The following OSBPL11 variants were observed in gnomAD, a reference collection of about 807,000 sequenced individuals.
OSBPL11 encodes the protein oxysterol-binding protein-related protein 11.
In OSBPL11, 33 loss-of-function variants were observed where a neutral mutation model predicts 84.4. The ratio of observed to expected loss-of-function variants is 0.39; its 90% CI spans 0.30 to 0.52. The LOEUF is 0.52. Among genes scored for constraint, OSBPL11 ranks in the 20% least tolerant of loss-of-function variants. The probability of loss-of-function intolerance (pLI) is 0.72; values close to 1 mark genes in which losing one functional copy is unlikely to be tolerated. For missense variants in OSBPL11, 736 were observed against 901.1 expected (o/e 0.82, Z 2.35); for synonymous variants, 276 against 310.2 (o/e 0.89, Z 1.16).
chr3:125,571,405 A>G (rs142183733), intron 5 of OSBPL11, among the ~76,000 whole-genome samples: 2 of 152,212 alleles, frequency 1.3e-5, no homozygotes, highest in Non-Finnish European at 2.9e-5. Context: ...TGGCTGCAGA[A>G]ATTTGCATAA....
chr3:125,534,951 G>GAAAAAAAAAAAAAAAAAAAAAAA (rs56164804), intron 11 of OSBPL11, among the ~76,000 whole-genome samples: 1 of 64,640 alleles, frequency 1.5e-5, no homozygotes, highest in Non-Finnish European at 2.7e-5. Context: ...TAAGAAATTA[G>GAAAAAAAAAAAAAAAAAAAAAAA]AAAAAAAAAA....
intron 10 of OSBPL11, among the ~76,000 whole-genome samples, chr3:125,543,053 G>T (rs1243194154): frequency 2.6e-5 from 4 of 151,140 alleles, no homozygotes; most frequent in African/African-American, 9.7e-5. Flanking sequence ...GACCAGTTCT[G>T]TTGAGGGTCT....
At chr3:125,569,083 T>C (rs1936204700) in intron 5 of OSBPL11, among the ~76,000 whole-genome samples, 1 of 152,140 alleles carries the variant, frequency 6.6e-6, no homozygotes, top group African/African-American at 2.4e-5. Flanking sequence ...TAGCTGGAAC[T>C]ACAGGTGTGT....
At chr3:125,549,873 T>C (rs1935873812) in intron 9 of OSBPL11, among the ~76,000 whole-genome samples, 1 of 152,188 alleles carries the variant, frequency 6.6e-6, no homozygotes, top group African/African-American at 2.4e-5. Context: ...CTGATAAGAT[T>C]AACTGTCCTT....
intron 11 of OSBPL11, among the ~76,000 whole-genome samples, chr3:125,536,866 G>T (rs1935646192): frequency 6.6e-6 from 1 of 151,988 alleles, no homozygotes; most frequent in East Asian, 1.9e-4. Flanking sequence ...ATACTAATAA[G>T]ACATGTACTC....
chr3:125,550,681 A>G lies in OSBPL11; in HGVS notation c.1654+1500T>C, dbSNP rs146891997. Among the ~76,000 whole-genome samples, 9 of 152,224 alleles carry G rather than the reference A, an allele frequency of 5.9e-5. No homozygotes were observed. In the East Asian group the frequency reaches 1.7e-3, roughly 29 times the overall value. ...AACATAAAAGTGGTATTTTTTTCCT[A>G]TCATTATATTTTCATTAACTCTTCA... is the stretch of plus-strand genomic sequence containing the variant. On this transcript the variant is annotated intron_variant, in intron 9 of 12. Coordinates refer to ENST00000296220, the MANE Select transcript of OSBPL11 (RefSeq NM_022776.5).
intron 9 of OSBPL11, 142 bp downstream of exon 9, chr3:125,552,039 G>A (rs1329591952): frequency 1.3e-5 from 5 of 374,996 alleles, no homozygotes; most frequent in Non-Finnish European, 1.3e-5. Context: ...GCCTGCTTGG[G>A]TTTCTCCCAA....
rs78109262 is a variant in OSBPL11, at chr3:125,537,866, A to G, written c.2024+585T>C. ...TTATTAACACGTATAGATCCACTTT[A>G]TTTTTCAAGGTCTATGACACATACT... On this transcript the variant is annotated intron_variant, in intron 11 of 12. Transcript: ENST00000296220. 5.0e-4 allele frequency among the ~76,000 whole-genome samples: 76 copies of G among 152,232 alleles called. No individual in the cohort carries two copies. In the East Asian group the frequency reaches 0.014, roughly 27 times the overall value.
At chr3:125,568,425 C>T (rs939289925) in intron 5 of OSBPL11, among the ~76,000 whole-genome samples, 11 of 142,476 alleles carry the variant, frequency 7.7e-5, no homozygotes, top group Non-Finnish European at 1.5e-4. Flanking sequence ...AGTGAGACTA[C>T]GTCTCAAAAA....
chr3:125,542,245 C>T (rs1433067802), intron 10 of OSBPL11, among the ~76,000 whole-genome samples: 3 of 151,688 alleles, frequency 2.0e-5, no homozygotes, highest in African/African-American at 7.3e-5. Flanking sequence ...ACCAAACTAC[C>T]GTAAGAAAGG....
intron 11 of OSBPL11, among the ~76,000 whole-genome samples, chr3:125,533,193 TTCCCTCCCTCCCTTCTCTCTCCC>T (rs1935588202): frequency 7.1e-6 from 1 of 141,438 alleles, no homozygotes; most frequent in Non-Finnish European, 1.5e-5. Flanking sequence ...CTTCCTCCCC[TTCCCTCCCTCCCTTCTCTCTCCC>T]TCCCTCCCTC....
At chr3:125,550,379 A>T (rs1413385991) in intron 9 of OSBPL11, among the ~76,000 whole-genome samples, 1 of 106,554 alleles carries the variant, frequency 9.4e-6, no homozygotes, top group African/African-American at 4.5e-5. Context: ...TGTCACACAC[A>T]CACACACACA....
chr3:125,538,328 T>G, intron 11 of OSBPL11, 123 bp downstream of exon 11: 1 of 841,864 alleles, frequency 1.2e-6, no homozygotes. Context: ...GACTAATGCT[T>G]TCAATTTACA....
chr3:125,540,135 C>T (rs1935707571), intron 10 of OSBPL11, among the ~76,000 whole-genome samples: 1 of 151,964 alleles, frequency 6.6e-6, no homozygotes, highest in Non-Finnish European at 1.5e-5. Context: ...CAAACATTCA[C>T]AATCAAGAGT....
chr3:125,593,172 TAGC>T (rs1472928547), intron 1 of OSBPL11, among the ~76,000 whole-genome samples: 1 of 152,090 alleles, frequency 6.6e-6, no homozygotes, highest in African/African-American at 2.4e-5. Flanking sequence ...CACAGCCCCA[TAGC>T]AGGTCAGGAC....
At position 125,576,172 on chromosome 3, in the gene OSBPL11, C is replaced by CT; in HGVS notation, c.666+16dup. 6.3e-7 allele frequency: 1 copy of CT among 1,589,994 alleles called. No individual in the cohort carries two copies. The highest frequency in any genetic ancestry group is 8.5e-7 in the Non-Finnish European group (1 of 1,171,300). The stretch of plus-strand genomic sequence containing the variant: ...AATCATTTTGTGCATTTTAACTTGA[C>CT]TTTAATTCATACTTACTTCTCTGAC... On this transcript the variant is annotated intron_variant, in intron 5 of 12. Transcript: ENST00000296220.
At chr3:125,546,173 G>GTTTT (rs1559837047) in intron 10 of OSBPL11, among the ~76,000 whole-genome samples, 1 of 137,974 alleles carries the variant, frequency 7.2e-6, no homozygotes. Context: ...TTTTGTGTGT[G>GTTTT]TGTGTTTTTT....
At chr3:125,591,683 A>C (rs1936596702) in intron 1 of OSBPL11, among the ~76,000 whole-genome samples, 1 of 152,242 alleles carries the variant, frequency 6.6e-6, no homozygotes, top group African/African-American at 2.4e-5. Context: ...ACCCAAAGAC[A>C]CTATGAAATA....
chr3:125,570,734 C>T (rs558558163), intron 5 of OSBPL11, among the ~76,000 whole-genome samples: 22 of 152,266 alleles, frequency 1.4e-4, no homozygotes, highest in Admixed American at 3.9e-4. Flanking sequence ...CCATGTAAGA[C>T]GTGACTTGCT....
Sources: allele counts gnomAD v4.1 joint callset (sites outside exome capture counted in the v4.1 genomes callset), GRCh38; gene constraint gnomAD v4.1.1; transcripts MANE v1.5; gene names NCBI Gene and HGNC (gene_info 2026-07-23, HGNC 2026-07-21).